C20orf96: variants seen among roughly 807,000 people sequenced by gnomAD.
C20orf96 encodes chromosome 20 open reading frame 96, also known as uncharacterized protein C20orf96.
A neutral mutation model predicts 52.6 loss-of-function variants in C20orf96; 57 were observed. That is an observed-to-expected ratio of 1.08 (90% CI 0.88 to 1.35). The LOEUF (loss-of-function observed/expected upper bound fraction) is 1.35, where lower values mean the gene tolerates loss of function less well. Among genes scored for constraint, C20orf96 ranks in the 40% most tolerant of loss-of-function variants. The pLI, the probability that C20orf96 is intolerant of heterozygous loss-of-function variation, is 0.00. For missense variants in C20orf96, 478 were observed against 443.6 expected (o/e 1.08, Z -0.70); for synonymous variants, 168 against 157.2 (o/e 1.07, Z -0.51).
intron 3 of C20orf96, among the ~76,000 whole-genome samples, chr20:286,504 C>CAG (rs1439927274): frequency 1.9e-3 from 242 of 127,088 alleles, no homozygotes; most frequent in African/African-American, 6.9e-3. Context: ...GTAAGAGAGA[C>CAG]AGAGAGAGAG....
chr20:281,551 A>G (rs1047016684), intron 4 of C20orf96, among the ~76,000 whole-genome samples: 4 of 152,214 alleles, frequency 2.6e-5, no homozygotes, highest in African/African-American at 9.7e-5. Context: ...TATTTCTCAT[A>G]TAACAGTAAT....
chr20:284,381 G>C (rs2122304879), intron 3 of C20orf96, among the ~76,000 whole-genome samples: 1 of 152,356 alleles, frequency 6.6e-6, no homozygotes, highest in African/African-American at 2.4e-5. Context: ...GTCAGAAAGA[G>C]AGTCGGGAAC....
intron 4 of C20orf96, among the ~76,000 whole-genome samples, 189 bp from the exon 5 acceptor site, chr20:279,519 C>G (rs113170774): frequency 6.6e-6 from 1 of 152,154 alleles, no homozygotes; most frequent in Non-Finnish European, 1.5e-5. Context: ...GACTCTCATC[C>G]GTTCGGAAAC....
chr20:290,534 G>A, intron 1 of C20orf96, 57 bp downstream of exon 1: 2 of 1,583,276 alleles, frequency 1.3e-6, no homozygotes, highest in Admixed American at 1.8e-5. Context: ...GGGGTGTGAA[G>A]TACGCATGCG....
At chr20:273,904 AG>A (rs1201795795) in intron 10 of C20orf96, among the ~76,000 whole-genome samples, 9,721 of 31,824 alleles carry the variant, frequency 0.31, 946 homozygotes, top group Admixed American at 0.43. Flanking sequence ...AAAGGAAGGA[AG>A]GGAGGGAGGG....
chr20:285,127 G>C (rs776174580), intron 3 of C20orf96, among the ~76,000 whole-genome samples: 2 of 152,166 alleles, frequency 1.3e-5, no homozygotes, highest in Non-Finnish European at 2.9e-5. Context: ...TGAGAAGTGG[G>C]ACCACAACAC....
chr20:276,008 G>C lies in C20orf96; in HGVS notation c.991C>G (p.Arg331Gly), dbSNP rs202179540. ...AGAACATCCTCAAATATGACCTCTC[G>C]GGGTTCCCGGGTCTGGGCTTGGAGC... ...EELQAQTREP[R>G]EVIFEDVLLR... Residue 331 changes from arginine to glycine, a missense_variant, in exon 10 of 11, where the codon CGA becomes GGA. By Grantham distance (125) the Arg-to-Gly change is moderately radical (BLOSUM62 -2). Coordinates refer to ENST00000360321, the MANE Select transcript of C20orf96 (RefSeq NM_153269.3). 1.2e-6 allele frequency: 2 copies of C among 1,614,136 alleles called. No homozygotes were observed. Among genetic ancestry groups the C allele is most frequent in the Admixed American group, 3.3e-5 (2 of 60,026 alleles).
Position 279,248 on chromosome 20 carries a change from AT to A in C20orf96, c.388del (p.Ile130SerfsTer43). The A allele has an allele frequency of 6.2e-7, 1 of 1,611,056 alleles. No individual in the cohort carries two copies. The highest frequency in any genetic ancestry group is 8.5e-7 in the Non-Finnish European group (1 of 1,179,184). ...NFLSKLNREL[I>X]ETIQEMENST... is the part of the protein sequence containing the mutation. Reference sequence around the variant, plus strand: ...GTTCTCCATCTCCTGGATGGTCTCGATCAGCTCCCGGTTGAGCTTGCTGAGG... The same window carrying A: ...GTTCTCCATCTCCTGGATGGTCTCGACAGCTCCCGGTTGAGCTTGCTGAGG... On this transcript the variant is annotated frameshift_variant, in exon 5 of 11. Coordinates refer to ENST00000360321, the MANE Select transcript of C20orf96 (RefSeq NM_153269.3). LOFTEE classifies it high-confidence loss of function.
At chr20:274,795 CTTTCT>C (rs1039854036) in intron 10 of C20orf96, among the ~76,000 whole-genome samples, 1 of 150,950 alleles carries the variant, frequency 6.6e-6, no homozygotes, top group Non-Finnish European at 1.5e-5. Flanking sequence ...CTAACAGTTG[CTTTCT>C]TTTTTCTTTT....
At chr20:278,548 G>T in intron 5 of C20orf96, 119 bp from the exon 6 acceptor site, 1 of 750,722 alleles carries the variant, frequency 1.3e-6, no homozygotes, top group South Asian at 1.4e-5. Flanking sequence ...CTGACCAGAG[G>T]CTAATCGGGA....
At chr20:278,733 A>T in intron 5 of C20orf96, among the ~76,000 whole-genome samples, 1 of 149,902 alleles carries the variant, frequency 6.7e-6, no homozygotes, top group Admixed American at 6.7e-5. Context: ...ATGGTGCCGC[A>T]TTTCACAGAG....
At chr20:277,952 T>C (rs1249878978) in intron 6 of C20orf96, among the ~76,000 whole-genome samples, 1 of 152,198 alleles carries the variant, frequency 6.6e-6, no homozygotes, top group Non-Finnish European at 1.5e-5. Context: ...AGAAGGACCT[T>C]GGCAGGAAAC....
At chr20:287,932 T>C (rs13045566) in intron 3 of C20orf96, among the ~76,000 whole-genome samples, 3 of 109,276 alleles carry the variant, frequency 2.7e-5, no homozygotes, top group African/African-American at 4.3e-5. Flanking sequence ...AAAAAAAAAG[T>C]CTTTCACAGA....
chr20:287,657 A>T (rs1276615643), intron 3 of C20orf96, among the ~76,000 whole-genome samples: 2 of 152,140 alleles, frequency 1.3e-5, no homozygotes, highest in African/African-American at 4.8e-5. Context: ...GGCCAGGTGC[A>T]GTGGCTCTCA....
At chr20:278,961 C>A (rs113990418) in intron 5 of C20orf96, among the ~76,000 whole-genome samples, 4 of 1,964 alleles carry the variant, frequency 2.0e-3, no homozygotes, top group African/African-American at 5.5e-3. Context: ...GGAGGGAGGG[C>A]GGGACGGAGG....
At chr20:278,941 C>CGGGAGGGA (rs1290674154) in intron 5 of C20orf96, among the ~76,000 whole-genome samples, 1 of 2,856 alleles carries the variant, frequency 3.5e-4, no homozygotes, top group Non-Finnish European at 6.7e-4. Flanking sequence ...GGAGGGAGGG[C>CGGGAGGGA]GGGACGGAGG....
intron 4 of C20orf96, among the ~76,000 whole-genome samples, chr20:281,612 T>A (rs905976318): frequency 2.6e-5 from 4 of 152,238 alleles, no homozygotes; most frequent in African/African-American, 9.6e-5. Context: ...TACTAAGCAC[T>A]TCATGCGCAC....
intron 3 of C20orf96, among the ~76,000 whole-genome samples, chr20:286,351 T>C (rs1169725368): frequency 6.6e-6 from 1 of 152,036 alleles, no homozygotes; most frequent in Non-Finnish European, 1.5e-5. Flanking sequence ...ACCCCATCTC[T>C]ACTAAAAATA....
At chr20:279,466 A>T (rs2012191559) in intron 4 of C20orf96, 136 bp from the exon 5 acceptor site, 1 of 1,005,766 alleles carries the variant, frequency 9.9e-7, no homozygotes, top group Non-Finnish European at 1.4e-6. Context: ...ACGCGGCCCA[A>T]GCTGGGCGGT....
Sources: gnomAD v4.1 joint callset for allele counts (sites outside exome capture counted in the v4.1 genomes callset) on GRCh38, gnomAD v4.1.1 for gene constraint, MANE v1.5 for transcripts, NCBI Gene and HGNC (gene_info 2026-07-23, HGNC 2026-07-21) for gene names.